FAM184A: variants seen among roughly 807,000 people sequenced by gnomAD.
The protein encoded by FAM184A is protein FAM184A.
FAM184A carries 99 observed loss-of-function variants against 143.8 expected under a neutral mutation model. The observed-to-expected ratio is 0.69, with a 90% CI of 0.58 to 0.81. The LOEUF (loss-of-function observed/expected upper bound fraction) is 0.81, where lower values mean the gene tolerates loss of function less well. FAM184A is among the 40% of genes least tolerant of loss of function. FAM184A has a pLI of 0.00. For missense variants in FAM184A, 1,217 were observed against 1,310.5 expected (o/e 0.93, Z 1.10); for synonymous variants, 427 against 446.4 (o/e 0.96, Z 0.55).
At chr6:119,133,746 C>T (rs112001530) in intron 1 of FAM184A, among the ~76,000 whole-genome samples, 1,993 of 152,214 alleles carry the variant, frequency 0.013, 18 homozygotes, top group South Asian at 0.029. Context: ...CTCCAAGTCA[C>T]ATCACAGTGT....
intron 9 of FAM184A, among the ~76,000 whole-genome samples, chr6:119,002,475 C>T (rs953532594): frequency 8.6e-5 from 13 of 152,040 alleles, no homozygotes; most frequent in South Asian, 4.1e-4. Context: ...TAGCAGGCAA[C>T]GCTCCTTTGG....
intron 1 of FAM184A, among the ~76,000 whole-genome samples, chr6:119,104,441 G>A (rs1010144143): frequency 1.3e-5 from 2 of 152,208 alleles, no homozygotes; most frequent in East Asian, 1.9e-4. Context: ...TAATGTCTCA[G>A]GTTTGCATTC....
chr6:118,987,641 C>A (rs1311612476), intron 9 of FAM184A, among the ~76,000 whole-genome samples: 1 of 151,944 alleles, frequency 6.6e-6, no homozygotes, highest in Non-Finnish European at 1.5e-5. Context: ...GTTCTAATTC[C>A]CATAAACCTT....
intron 1 of FAM184A, among the ~76,000 whole-genome samples, chr6:119,100,311 A>G (rs1788606376): frequency 6.6e-6 from 1 of 152,178 alleles, no homozygotes; most frequent in Non-Finnish European, 1.5e-5. Flanking sequence ...GGTTACTGCC[A>G]TGAGTAATTG....
At chr6:119,048,551 T>C (rs1786623263) in intron 1 of FAM184A, among the ~76,000 whole-genome samples, 2 of 152,124 alleles carry the variant, frequency 1.3e-5, no homozygotes, top group Admixed American at 1.3e-4. Flanking sequence ...ACAAAATCGA[T>C]GTACAAAAAT....
chr6:119,078,221 CGGT>C lies in FAM184A; in HGVS notation c.76_78del (p.Thr26del), dbSNP rs1210708402. 1.3e-6 allele frequency: 2 copies of C among 1,548,178 alleles called. No homozygotes were observed. Among genetic ancestry groups the C allele is most frequent in the East Asian group, 4.9e-5 (2 of 40,562 alleles). Reference sequence around the variant, plus strand: ...TCCATGCTGTGCCCAGCCAGCTGTGCGGTGGCCGGCGAGGGCGCGAATTTGGCC... The same window carrying C: ...TCCATGCTGTGCCCAGCCAGCTGTGCGGCCGGCGAGGGCGCGAATTTGGCC... On this transcript the variant is annotated inframe_deletion, in exon 1 of 18. Transcript: ENST00000338891. This position sits in a 1 kb window ranked among gnomAD's most constrained non-coding sequence, Gnocchi z 5.5.
intron 3 of FAM184A, 113 bp downstream of exon 3, chr6:119,022,832 G>T: frequency 1.6e-6 from 2 of 1,266,802 alleles, no homozygotes; most frequent in Admixed American, 2.0e-5. Flanking sequence ...AGCCGAGATT[G>T]AGCCACTGCA....
intron 1 of FAM184A, among the ~76,000 whole-genome samples, chr6:119,032,709 C>T (rs938198714): frequency 2.3e-4 from 35 of 152,146 alleles, no homozygotes; most frequent in African/African-American, 8.4e-4. Flanking sequence ...AAAAGACTCT[C>T]CCTCAGAATA....
chr6:118,995,320 G>C (rs562233823), intron 9 of FAM184A, among the ~76,000 whole-genome samples: 2 of 152,236 alleles, frequency 1.3e-5, no homozygotes, highest in East Asian at 3.9e-4. Flanking sequence ...GGGAGGCTGA[G>C]AAGTGGGAGG....
intron 1 of FAM184A, among the ~76,000 whole-genome samples, chr6:119,084,804 A>G (rs1193819460): frequency 1.3e-5 from 2 of 152,118 alleles, no homozygotes; most frequent in Non-Finnish European, 2.9e-5. Flanking sequence ...TGGCTCCCAA[A>G]CCTCAACTCT....
chr6:119,061,580 G>A (rs1030961840), intron 1 of FAM184A, among the ~76,000 whole-genome samples: 5 of 110,048 alleles, frequency 4.5e-5, no homozygotes, highest in Non-Finnish European at 6.6e-5. Flanking sequence ...CTCTCACTAC[G>A]TTGCCCAGAC....
chr6:119,011,334 T>A lies in FAM184A; in HGVS notation c.1628A>T (p.Asp543Val). 1.2e-6 allele frequency: 2 copies of A among 1,609,876 alleles called. No homozygotes were observed. Among genetic ancestry groups the A allele is most frequent in the Non-Finnish European group, 1.7e-6 (2 of 1,178,254 alleles). ...CTCTTGATTGGCTGTATTCAACTTG[T>A]CTTCCAGTACTTCCTTTAGGTTTTC... ...ELENLKEVLEDKLNTANQEIG... is the reference protein window; with the variant it reads ...ELENLKEVLEVKLNTANQEIG... Residue 543 changes from aspartate (D) to valine (V), a missense_variant, in exon 6 of 18, where the codon GAC becomes GTC. Transcript: ENST00000338891.
intron 15 of FAM184A, among the ~76,000 whole-genome samples, chr6:118,965,873 T>G (rs914416898): frequency 6.6e-6 from 1 of 152,216 alleles, no homozygotes; most frequent in Non-Finnish European, 1.5e-5. Flanking sequence ...TTACTATGCT[T>G]GCTGATTTCA....
rs550581408 is a variant in FAM184A, at chr6:119,112,010, C to CT, written c.-202+37067dup. Among the ~76,000 whole-genome samples, 433 of 152,290 alleles carry CT rather than the reference C, an allele frequency of 2.8e-3. 2 individuals are homozygous for CT. Among genetic ancestry groups the CT allele is most frequent in the Non-Finnish European group, 5.2e-3 (356 of 68,016 alleles). On this transcript the variant is annotated intron_variant, in intron 1 of 16. Coordinates refer to the FAM184A transcript ENST00000352896. ...GTACTGCATATTATTCTATTAAAAACTATGTAATCCCTGATTGTACTTATT... is the reference window on the plus strand; with the variant it reads ...GTACTGCATATTATTCTATTAAAAACTTATGTAATCCCTGATTGTACTTATT...
chr6:119,096,590 T>A (rs1350028842), intron 1 of FAM184A, among the ~76,000 whole-genome samples: 1 of 101,540 alleles, frequency 9.8e-6, no homozygotes, highest in African/African-American at 3.7e-5. Context: ...GAGCCGAGAT[T>A]GCGCCACTGC....
intron 7 of FAM184A, chr6:119,006,020 A>C: frequency 1.4e-6 from 1 of 715,934 alleles, no homozygotes; most frequent in Non-Finnish European, 2.6e-6. Context: ...CTTTATTTGG[A>C]AATACAGTCA....
intron 1 of FAM184A, among the ~76,000 whole-genome samples, chr6:119,070,194 A>T (rs1787631486): frequency 6.6e-6 from 1 of 152,186 alleles, no homozygotes; most frequent in African/African-American, 2.4e-5. Context: ...AGGATAAAAA[A>T]TTCATATATT....
intron 1 of FAM184A, among the ~76,000 whole-genome samples, chr6:119,100,087 G>A (rs1338092990): frequency 6.6e-6 from 1 of 152,186 alleles, no homozygotes; most frequent in African/African-American, 2.4e-5. Context: ...CACCCAGCTG[G>A]TATTCACTGC....
intron 1 of FAM184A, among the ~76,000 whole-genome samples, chr6:119,055,035 A>G (rs967625856): frequency 6.6e-6 from 1 of 152,122 alleles, no homozygotes; most frequent in African/African-American, 2.4e-5. Flanking sequence ...CACAGCCATC[A>G]GCATTTCTTC....
Sources: gnomAD v4.1 joint callset for allele counts (sites outside exome capture counted in the v4.1 genomes callset) on GRCh38, gnomAD v4.1.1 for gene constraint, Gnocchi (gnomAD v3.1) non-coding constraint, MANE v1.5 for transcripts, NCBI Gene and HGNC (gene_info 2026-07-23, HGNC 2026-07-21) for gene names.